LY75: variants seen among roughly 807,000 people sequenced by gnomAD.
LY75 encodes the protein C-type lectin domain family 13 member B.
A neutral mutation model predicts 231.7 loss-of-function variants in LY75; 185 were observed. The ratio of observed to expected loss-of-function variants is 0.80; its 90% CI spans 0.71 to 0.90. The LOEUF is 0.90. Ranked by LOEUF, LY75 falls within the 40% of genes least tolerant of loss-of-function variation. LY75 has a pLI of 0.00. For missense variants in LY75, 1,947 were observed against 2,050.2 expected, an observed-to-expected ratio of 0.95 and a Z score of 0.97; for synonymous variants, 668 against 689.0, an observed-to-expected ratio of 0.97 and a Z score of 0.48.
chr2:159,897,599 A>G (rs929744227), intron 2 of LY75, among the ~76,000 whole-genome samples: 3 of 152,216 alleles, frequency 2.0e-5, no homozygotes, highest in African/African-American at 7.2e-5. Context: ...GGATAATGGA[A>G]AGTATGGGAG....
At chr2:159,852,634 G>T (rs933990855) in intron 20 of LY75, among the ~76,000 whole-genome samples, 1 of 152,070 alleles carries the variant, frequency 6.6e-6, no homozygotes, top group Non-Finnish European at 1.5e-5. Context: ...GGCCAGGCTG[G>T]TCTCGAACTC....
intron 31 of LY75, among the ~76,000 whole-genome samples, chr2:159,815,194 G>A (rs1276800544): frequency 6.6e-6 from 1 of 151,918 alleles, no homozygotes; most frequent in Non-Finnish European, 1.5e-5. Flanking sequence ...GTAGAGAAGG[G>A]GTTTCACCTT....
chr2:159,856,734 T>A (rs1269270293), intron 16 of LY75, among the ~76,000 whole-genome samples: 1 of 152,160 alleles, frequency 6.6e-6, no homozygotes, highest in African/African-American at 2.4e-5. Flanking sequence ...ATTTGTTCGA[T>A]TAATTGATTT....
chr2:159,880,615 T>G (rs182988101), intron 8 of LY75, among the ~76,000 whole-genome samples: 3 of 152,242 alleles, frequency 2.0e-5, no homozygotes, highest in African/African-American at 7.2e-5. Flanking sequence ...GCTTATTTAG[T>G]AATTGCTTTT....
At chr2:159,838,930 G>A (rs1156440003) in intron 25 of LY75, among the ~76,000 whole-genome samples, 2 of 152,024 alleles carry the variant, frequency 1.3e-5, no homozygotes, top group South Asian at 2.1e-4. Flanking sequence ...TGAGTAGCTG[G>A]GGTTACAGAC....
chr2:159,831,829 C>G lies in LY75; in HGVS notation c.3842-43G>C, dbSNP rs766037480. On this transcript the variant is annotated intron_variant, in intron 27 of 34. Transcript: ENST00000263636. ...ATCAATAATTTTAACAATTACTTAT[C>G]TAGTACACTTCTATTTGATAAGTTT... 2.0e-6 allele frequency: 3 copies of G among 1,506,926 alleles called. No individual in the cohort carries two copies. In the South Asian group the frequency reaches 3.6e-5, roughly 18 times the overall value. The allele number at this position is 1,506,926 out of a possible 1,614,324, so 93.3% of individuals were successfully genotyped here. A position where few individuals can be genotyped will look rare whatever the true frequency, so the allele number is the denominator to read the frequency against.
At chr2:159,894,248 G>A in intron 2 of LY75, 164 bp from the exon 3 acceptor site, 1 of 473,874 alleles carries the variant, frequency 2.1e-6, no homozygotes, top group South Asian at 9.0e-5. Flanking sequence ...ATGAATGCTG[G>A]CTCCCTGCTA....
Position 159,815,420 on chromosome 2 carries a change from A to G in LY75, c.4534T>C (p.Tyr1512His). Residue 1512 changes from tyrosine to histidine, a missense_variant, in exon 31 of 35, where the codon TAT becomes CAT. Physicochemically the swap from Tyr to His is moderately conservative, Grantham distance 83. Transcript: ENST00000263636. ...GAAGTCTTACATTTTGTAGGTTTATAACAAATAGCACCATCCTTAACAGAG... is the reference window on the plus strand; with the variant it reads ...GAAGTCTTACATTTTGTAGGTTTATGACAAATAGCACCATCCTTAACAGAG... ...CNSVKDGAIC[Y>H]KPTKSKKLSR... The G allele has an allele frequency of 6.2e-7, 1 of 1,600,704 alleles. No individual in the cohort carries two copies.
chr2:159,839,103 G>A (rs1403130674), intron 25 of LY75, among the ~76,000 whole-genome samples: 2 of 152,020 alleles, frequency 1.3e-5, no homozygotes, highest in Admixed American at 6.6e-5. Context: ...GCCGATCTGG[G>A]TTAACTTTAG....
chr2:159,870,494 A>T (rs116346622), intron 13 of LY75, among the ~76,000 whole-genome samples: 34 of 152,174 alleles, frequency 2.2e-4, no homozygotes, highest in African/African-American at 7.9e-4. Context: ...GAAATTTTCA[A>T]AGAAAACATT....
chr2:159,826,716 G>T (rs1159160317), intron 28 of LY75, among the ~76,000 whole-genome samples: 1 of 152,104 alleles, frequency 6.6e-6, no homozygotes, highest in Admixed American at 6.5e-5. Flanking sequence ...ATACTATGAG[G>T]CTACAGTAAC....
At chr2:159,877,026 A>AG (rs1239909933) in intron 11 of LY75, among the ~76,000 whole-genome samples, 1 of 150,320 alleles carries the variant, frequency 6.7e-6, no homozygotes, top group Non-Finnish European at 1.5e-5. Context: ...AAAAAAAAAA[A>AG]AAAAAAAAGA....
chr2:159,838,041 G>A (rs1335789333), intron 25 of LY75, among the ~76,000 whole-genome samples: 2 of 152,132 alleles, frequency 1.3e-5, no homozygotes, highest in Non-Finnish European at 2.9e-5. Flanking sequence ...ACCCAGAGCT[G>A]CCTCTCCTCA....
intron 31 of LY75, 122 bp downstream of exon 31, chr2:159,815,283 G>A (rs1359462428): frequency 1.9e-5 from 24 of 1,273,402 alleles, no homozygotes; most frequent in Middle Eastern, 5.6e-4. Context: ...TTACAGGCGC[G>A]AGCCACTGCG....
chr2:159,882,201 T>C lies in LY75; in HGVS notation c.1169A>G (p.Lys390Arg), dbSNP rs1415578544. 2 of 1,613,960 alleles carry C rather than the reference T, an allele frequency of 1.2e-6. No homozygotes were observed. The highest frequency in any genetic ancestry group is 1.7e-6 in the Non-Finnish European group (2 of 1,179,948). Residue 390 changes from lysine (K) to arginine (R), a missense_variant, in exon 7 of 35, where the codon AAA (lysine) becomes AGA (arginine). Lys to Arg is a conservative substitution (Grantham distance 26, BLOSUM62 2). Coordinates refer to ENST00000263636, the MANE Select transcript of LY75 (RefSeq NM_002349.4). ...NSWDKAHAKC[K>R]AFSSDLISIH... Reference sequence around the variant, plus strand: ...GCTGATTAGGTCACTACTGAAGGCTTTGCATTTCGCATGTGCCTTATCCCA... The same window carrying C: ...GCTGATTAGGTCACTACTGAAGGCTCTGCATTTCGCATGTGCCTTATCCCA...
intron 31 of LY75, among the ~76,000 whole-genome samples, chr2:159,810,893 C>T (rs1682940647): frequency 6.6e-6 from 1 of 152,060 alleles, no homozygotes; most frequent in Admixed American, 6.6e-5. Context: ...TGGAAAGTGC[C>T]TTAGCTTTCT....
rs1335952574 is a variant in LY75, at chr2:159,834,072, A to G, written c.3813T>C (p.Asp1271=). The change falls in exon 27 of 35, where the codon GAT becomes GAC. Residue 1271 remains aspartate, a synonymous_variant. Coordinates refer to ENST00000263636, the MANE Select transcript of LY75 (RefSeq NM_002349.4). ...GTTTCTGGCATTTAGTATGAACTTC[A>G]TCCTGTGTTGTTGCCATATGCCTAT... is the stretch of plus-strand genomic sequence containing the variant. The part of the protein sequence containing the change: ...TKNRHMATTQ[D]EVHTKCQKLN... 1 of 1,613,810 alleles carries G rather than the reference A, an allele frequency of 6.2e-7. No homozygotes were observed. Among genetic ancestry groups the G allele is most frequent in the Non-Finnish European group, 8.5e-7 (1 of 1,179,892 alleles).
At chr2:159,860,623 G>A (rs1272019371) in intron 15 of LY75, among the ~76,000 whole-genome samples, 198 bp downstream of exon 15, 4 of 152,152 alleles carry the variant, frequency 2.6e-5, no homozygotes, top group Non-Finnish European at 1.5e-5. Context: ...AATGAGAGAG[G>A]TTTTCTTGAA....
At chr2:159,868,530 A>G (rs1024664553) in intron 13 of LY75, among the ~76,000 whole-genome samples, 2 of 152,294 alleles carry the variant, frequency 1.3e-5, no homozygotes, top group African/African-American at 4.8e-5. Context: ...ATGAACTTGT[A>G]TTAATTTTTT....
Sources: gnomAD v4.1 joint callset for allele counts (sites outside exome capture counted in the v4.1 genomes callset) on GRCh38, gnomAD v4.1.1 for gene constraint, MANE v1.5 for transcripts, NCBI Gene and HGNC (gene_info 2026-07-23, HGNC 2026-07-21) for gene names.